DUSP22: variants seen among roughly 807,000 people sequenced by gnomAD.
The protein encoded by DUSP22 is dual specificity protein phosphatase 22.
In DUSP22, 24 loss-of-function variants were observed where a neutral mutation model predicts 24.5. That is an observed-to-expected ratio of 0.98 (90% CI 0.71 to 1.38). The LOEUF (loss-of-function observed/expected upper bound fraction) is 1.38, where lower values mean the gene tolerates loss of function less well. DUSP22 is among the 40% of genes most tolerant of loss of function. DUSP22 has a pLI of 0.00. For missense variants in DUSP22, 330 were observed against 269.2 expected (o/e 1.23, Z -1.58); for synonymous variants, 160 against 106.4 (o/e 1.50, Z -3.10).
At chr6:298,460 G>A (rs1169540087) in intron 1 of DUSP22, among the ~76,000 whole-genome samples, 1 of 152,302 alleles carries the variant, frequency 6.6e-6, no homozygotes, top group Admixed American at 6.5e-5. Context: ...TTTGGGTGGG[G>A]TTCTTAGATG....
intron 1 of DUSP22, among the ~76,000 whole-genome samples, chr6:300,962 T>C (rs1277707244): frequency 6.6e-6 from 1 of 152,302 alleles, no homozygotes; most frequent in African/African-American, 2.4e-5. Flanking sequence ...CTACAGCCAG[T>C]GGACACTGAA....
At chr6:324,482 C>G (rs1451868310) in intron 3 of DUSP22, among the ~76,000 whole-genome samples, 1 of 152,310 alleles carries the variant, frequency 6.6e-6, no homozygotes, top group African/African-American at 2.4e-5. Context: ...AGAGGGGTGT[C>G]CCTCCTGGTG....
intron 1 of DUSP22, among the ~76,000 whole-genome samples, chr6:297,289 G>A (rs1048285221): frequency 2.0e-4 from 31 of 152,408 alleles, no homozygotes; most frequent in Admixed American, 6.5e-4. Context: ...TTGGGTTATT[G>A]GGAGAAGCAA....
chr6:301,659 A>G (rs1467467010), intron 1 of DUSP22, among the ~76,000 whole-genome samples: 2 of 152,296 alleles, frequency 1.3e-5, no homozygotes, highest in African/African-American at 2.4e-5. Context: ...GAGGCCTTCT[A>G]ATTCCCGGGA....
chr6:308,204 A>G (rs984059825), intron 2 of DUSP22, among the ~76,000 whole-genome samples: 2 of 152,120 alleles, frequency 1.3e-5, no homozygotes, highest in Non-Finnish European at 2.9e-5. Context: ...TGAGCACCAA[A>G]GCGCTAAGTT....
Position 349,743 on chromosome 6 carries a change from C to A in DUSP22, c.*792C>A. The A allele has an allele frequency of 1.0e-6, 1 of 986,048 alleles. No individual in the cohort carries two copies. Among genetic ancestry groups the A allele is most frequent in the Non-Finnish European group, 1.2e-6 (1 of 830,336 alleles). 61.1% of individuals were successfully genotyped at this position (986,048 alleles called of 1,614,324 possible). A position where few individuals can be genotyped will look rare whatever the true frequency, so the allele number is the denominator to read the frequency against. On this transcript the variant is annotated 3_prime_UTR_variant, in exon 7 of 7. Coordinates refer to ENST00000419235, the MANE Select transcript of DUSP22 (RefSeq NM_001286555.3). ...ATGTGAATGCACCAGGCTGAGGGTT[C>A]CCTAGCGCCTTGAGTCAAGGCCACT...
chr6:321,091 T>G (rs1758567506), intron 3 of DUSP22, among the ~76,000 whole-genome samples: 1 of 152,278 alleles, frequency 6.6e-6, no homozygotes, highest in African/African-American at 2.4e-5. Context: ...GAAAATCTGG[T>G]GTGGTCCTAA....
intron 3 of DUSP22, among the ~76,000 whole-genome samples, chr6:313,173 A>C (rs371618082): frequency 0.011 from 1,672 of 151,742 alleles, no homozygotes; most frequent in African/African-American, 0.039. Flanking sequence ...ACTGGTCATG[A>C]TTGACTTCCT....
chr6:297,646 C>T (rs1581140368), intron 1 of DUSP22, among the ~76,000 whole-genome samples: 2 of 152,310 alleles, frequency 1.3e-5, no homozygotes, highest in Admixed American at 1.3e-4. Flanking sequence ...TGGCAGATAT[C>T]CCCTGGGGAG....
chr6:340,379 G>A (rs1264392090), intron 4 of DUSP22, among the ~76,000 whole-genome samples: 1 of 152,304 alleles, frequency 6.6e-6, no homozygotes, highest in Non-Finnish European at 1.5e-5. Context: ...CTTCCAGCTG[G>A]AAAGCGTGCT....
chr6:293,342 C>A (rs1757181966), intron 1 of DUSP22, among the ~76,000 whole-genome samples: 1 of 152,272 alleles, frequency 6.6e-6, no homozygotes, highest in African/African-American at 2.4e-5. Flanking sequence ...GGGGTGTATT[C>A]ATGTGAACCA....
At chr6:312,024 G>T in intron 3 of DUSP22, 62 bp downstream of exon 3, 1 of 1,544,416 alleles carries the variant, frequency 6.5e-7, no homozygotes, top group South Asian at 1.2e-5. Flanking sequence ...GAGTACCTAC[G>T]ACGTTAATGA....
chr6:327,445 T>A (rs1758932649), intron 3 of DUSP22, among the ~76,000 whole-genome samples: 1 of 152,304 alleles, frequency 6.6e-6, no homozygotes, highest in East Asian at 1.9e-4. Flanking sequence ...TGGCCACATG[T>A]TTAAAATTCT....
chr6:310,412 A>G (rs1758025418), intron 2 of DUSP22, among the ~76,000 whole-genome samples: 2 of 152,302 alleles, frequency 1.3e-5, no homozygotes, highest in African/African-American at 2.4e-5. Context: ...GGATCACACC[A>G]TTTGGTCTTC....
At chr6:332,644 C>CTTTTTTTTTTTTTTTTTTTTTTT (rs3053546) in intron 3 of DUSP22, among the ~76,000 whole-genome samples, 1 of 148,066 alleles carries the variant, frequency 6.8e-6, no homozygotes, top group South Asian at 2.1e-4. Flanking sequence ...TCCTGTCCTT[C>CTTTTTTTTTTTTTTTTTTTTTTT]TTTTTTTTTT....
rs1255371906 is a variant in DUSP22 at position 351,057 on chromosome 6, C to G, written c.*2106C>G. On this transcript the variant is annotated 3_prime_UTR_variant, in exon 7 of 7. Transcript: ENST00000419235. ...ATTCTTTAGCAAGAGAAAATATTTT[C>G]CCCTTATCCCCACTGCTGTGGAGGT... The G allele has an allele frequency of 1.1e-6, 1 of 907,828 alleles. No individual in the cohort carries two copies. The highest frequency in any genetic ancestry group is 1.7e-5 in the African/African-American group (1 of 59,738). The allele number at this position is 907,828 out of a possible 1,614,324, so 56.2% of individuals were successfully genotyped here.
intron 2 of DUSP22, among the ~76,000 whole-genome samples, chr6:307,826 G>A (rs1353320743): frequency 2.0e-5 from 3 of 152,310 alleles, no homozygotes; most frequent in Admixed American, 2.0e-4. Context: ...GTGCCTGCCA[G>A]TAAGACAGAC....
At chr6:331,589 C>T (rs1343054995) in intron 3 of DUSP22, among the ~76,000 whole-genome samples, 1 of 152,308 alleles carries the variant, frequency 6.6e-6, no homozygotes, top group Admixed American at 6.5e-5. Context: ...AAAACATTTG[C>T]AGAACTTATT....
At position 350,841 on chromosome 6, in the gene DUSP22, G is replaced by T. The variant is rs748563326; in HGVS notation, c.*1890G>T. On this transcript the variant is annotated 3_prime_UTR_variant, in exon 7 of 7. Transcript: ENST00000419235. ...TCACAGCCGCTCCGGGAATTCTGAA[G>T]TTCTGGGCCTTTCTCAGAAGACTGT... 2.5e-6 allele frequency: 4 copies of T among 1,614,162 alleles called. No individual in the cohort carries two copies. The South Asian group carries it at 3.3e-5, about 13-fold the overall frequency.
Sources: gnomAD v4.1 joint callset for allele counts (sites outside exome capture counted in the v4.1 genomes callset) on GRCh38, gnomAD v4.1.1 for gene constraint, MANE v1.5 for transcripts, NCBI Gene and HGNC (gene_info 2026-07-23, HGNC 2026-07-21) for gene names.